The following OSBPL7 variants were observed in gnomAD, a reference collection of about 807,000 sequenced individuals.
OSBPL7 encodes oxysterol-binding protein-related protein 7.
Under a neutral mutation model 115.8 loss-of-function variants are expected in OSBPL7, and 66 were observed. The observed-to-expected ratio is 0.57, with a 90% CI of 0.47 to 0.70. OSBPL7 has a LOEUF of 0.70. Ranked by LOEUF, OSBPL7 falls within the 30% of genes least tolerant of loss-of-function variation. The pLI is 0.00. For missense variants in OSBPL7, 902 were observed against 1,125.5 expected (o/e 0.80, Z 2.84); for synonymous variants, 441 against 439.2 (o/e 1.00, Z -0.05).
chr17:47,818,688 C>A, intron 5 of OSBPL7, 72 bp from the exon 6 acceptor site: 1 of 1,250,488 alleles, frequency 8.0e-7, no homozygotes, highest in East Asian at 2.4e-5. Flanking sequence ...GAAGTCAGGG[C>A]TCTGGTCCCC....
At chr17:47,813,550 C>T (rs2033111424) in intron 15 of OSBPL7, 37 bp downstream of exon 15, 1 of 1,590,672 alleles carries the variant, frequency 6.3e-7, no homozygotes. Flanking sequence ...GAGAAGGAAG[C>T]AGCCTTGGGC....
At chr17:47,819,174 G>T in intron 4 of OSBPL7, 75 bp from the exon 5 acceptor site, 1 of 1,276,106 alleles carries the variant, frequency 7.8e-7, no homozygotes, top group Non-Finnish European at 1.1e-6. Flanking sequence ...CCATCTCCCT[G>T]ATGCCATTCT....
intron 13 of OSBPL7, chr17:47,814,836 G>T (rs975955820): frequency 2.4e-5 from 14 of 583,552 alleles, no homozygotes; most frequent in Non-Finnish European, 2.1e-5. Context: ...TGTGGCTGGC[G>T]GGAAAAAGCT....
In OSBPL7 at chr17:47,809,058, T is replaced by A; in HGVS notation, c.2170+18A>T. 6.2e-7 allele frequency: 1 copy of A among 1,613,884 alleles called. No individual in the cohort carries two copies. The highest frequency in any genetic ancestry group is 8.5e-7 in the Non-Finnish European group (1 of 1,180,022). On this transcript the variant is annotated intron_variant, in intron 20 of 22. Transcript: ENST00000007414. Reference sequence around the variant, plus strand: ...GCTGCTCCAGCCTCACCCAGCCCTCTGTGACCCCTCCACTTACTGGGTTTC... The same window carrying A: ...GCTGCTCCAGCCTCACCCAGCCCTCAGTGACCCCTCCACTTACTGGGTTTC...
rs779509687 is a variant in OSBPL7 at position 47,813,414 on chromosome 17, C to T, written c.1600-11G>A. Reference sequence around the variant, plus strand: ...GGCTGCGATGTACACCTGTGGGGGGCAAGGAAGGTGCAGGGTACTGAGGAC... The same window carrying T: ...GGCTGCGATGTACACCTGTGGGGGGTAAGGAAGGTGCAGGGTACTGAGGAC... On this transcript the variant is annotated splice_polypyrimidine_tract_variant and intron_variant, in intron 15 of 22. Transcript: ENST00000007414. The T allele has an allele frequency of 1.9e-6, 3 of 1,613,522 alleles. No homozygotes were observed. Among genetic ancestry groups the T allele is most frequent in the Non-Finnish European group, 1.7e-6 (2 of 1,179,962 alleles).
chr17:47,810,718 C>T (rs1419035682), intron 17 of OSBPL7, 46 bp from the exon 18 acceptor site: 1 of 1,612,890 alleles, frequency 6.2e-7, no homozygotes, highest in East Asian at 2.2e-5. Context: ...GAGATAAGGC[C>T]AGAGGGTGTT....
chr17:47,817,491 G>C, intron 7 of OSBPL7, 132 bp from the exon 8 acceptor site: 1 of 601,692 alleles, frequency 1.7e-6, no homozygotes, highest in Non-Finnish European at 2.9e-6. Context: ...CCAGGTTCAA[G>C]TGATTCTCCT....
chr17:47,808,284 G>T lies in OSBPL7; in HGVS notation c.*7C>A. 1.2e-6 allele frequency: 2 copies of T among 1,603,724 alleles called. No individual in the cohort carries two copies. Among genetic ancestry groups the T allele is most frequent in the Non-Finnish European group, 1.7e-6 (2 of 1,171,664 alleles). On this transcript the variant is annotated 3_prime_UTR_variant, in exon 23 of 23. Transcript: ENST00000007414. This position sits in a 1 kb window ranked among gnomAD's most constrained non-coding sequence, Gnocchi z 6.1. ...GGAACCAGAGCCTCCTGCCCCCGGG[G>T]CCAGGGCTACCAGAGCACGGCCCCA...
Position 47,808,613 on chromosome 17 carries a change from C to T in OSBPL7, c.2345G>A (p.Arg782Lys). ...CCTGTCTCGCTGCAGCTGCTCGATC[C>T]TTCTCTTCTGGGCCTCAGCGGCCTG... is the stretch of plus-strand genomic sequence containing the variant. ...NIQAAEAQKR[R>K]IEQLQRDRRK... The change falls in exon 22 of 23, where the codon AGG becomes AAG. Residue 782 changes from arginine to lysine, a missense_variant. Arg to Lys is a conservative substitution (Grantham distance 26). Around this residue, in one of 3 missense-constraint regions of OSBPL7, gnomAD observed 230 missense variants for 312.7 expected, o/e 0.74. Coordinates refer to ENST00000007414, the MANE Select transcript of OSBPL7 (RefSeq NM_145798.3). The surrounding 1 kb of genome is among the most constrained non-coding windows in gnomAD (Gnocchi z 6.1). 6.2e-7 allele frequency: 1 copy of T among 1,614,236 alleles called. No homozygotes were observed. Among genetic ancestry groups the T allele is most frequent in the Non-Finnish European group, 8.5e-7 (1 of 1,180,044 alleles).
At chr17:47,812,289 GC>G (rs1224124571) in intron 16 of OSBPL7, among the ~76,000 whole-genome samples, 1 of 152,124 alleles carries the variant, frequency 6.6e-6, no homozygotes, top group Non-Finnish European at 1.5e-5. Flanking sequence ...CCCCTTCGGG[GC>G]CCCCAGCGCT....
At position 47,818,980 on chromosome 17, in the gene OSBPL7, T is replaced by C. The variant is rs1381128206; in HGVS notation, c.369+6A>G. ...CAACACACGTCCTGCCTCCCAGGGA[T>C]GTCACCTTGAGGTGGTAGATGTTGT... is the stretch of plus-strand genomic sequence containing the variant. On this transcript the variant is annotated splice_donor_region_variant and intron_variant, in intron 5 of 22. Transcript: ENST00000007414. 1.9e-6 allele frequency: 3 copies of C among 1,612,184 alleles called. No homozygotes were observed. In the Admixed American group the frequency reaches 5.0e-5, roughly 27 times the overall value.
chr17:47,813,699 A>G lies in OSBPL7; in HGVS notation c.1487T>C (p.Met496Thr). 2 of 1,613,434 alleles carry G rather than the reference A, an allele frequency of 1.2e-6. No homozygotes were observed. The highest frequency in any genetic ancestry group is 1.1e-5 in the South Asian group (1 of 91,090). The change falls in exon 15 of 23, where the codon ATG becomes ACG. Residue 496 changes from methionine to threonine, a missense_variant. Coordinates refer to ENST00000007414, the MANE Select transcript of OSBPL7 (RefSeq NM_145798.3). Reference sequence around the variant, plus strand: ...GAGCGGCTCGTTGAGCTGCACAGGCATTGACACCTTGGACAGGTCTTTGCC... The same window carrying G: ...GAGCGGCTCGTTGAGCTGCACAGGCGTTGACACCTTGGACAGGTCTTTGCC... ...NIGKDLSKVS[M>T]PVQLNEPLNT...
chr17:47,810,956 T>G, intron 16 of OSBPL7, 121 bp from the exon 17 acceptor site: 1 of 947,100 alleles, frequency 1.1e-6, no homozygotes, highest in East Asian at 2.6e-5. Flanking sequence ...CCAGGTTTCC[T>G]GTCCCTATCA....
At chr17:47,810,418 T>A (rs1350758890) in intron 18 of OSBPL7, among the ~76,000 whole-genome samples, 176 bp downstream of exon 18, 1 of 152,200 alleles carries the variant, frequency 6.6e-6, no homozygotes, top group African/African-American at 2.4e-5. Context: ...TTCATCTTTC[T>A]CTATTGGCAA....
At chr17:47,819,889 C>T (rs1248371989) in intron 3 of OSBPL7, 82 bp downstream of exon 3, 2 of 1,605,548 alleles carry the variant, frequency 1.2e-6, no homozygotes, top group East Asian at 2.2e-5. Flanking sequence ...ATCATGCAAA[C>T]ACCATTGGAC....
chr17:47,807,731 G>A lies in OSBPL7; in HGVS notation c.*560C>T, dbSNP rs1027510924. ...AAGCTGCAGGCATTTTGCAGTTAGG[G>A]AGAAGGGATCCAGGACAGGAGGGAT... On this transcript the variant is annotated 3_prime_UTR_variant, in exon 23 of 23. Transcript: ENST00000007414. 3 of 154,212 alleles carry A rather than the reference G, an allele frequency of 1.9e-5. No individual in the cohort carries two copies. Among genetic ancestry groups the A allele is most frequent in the Middle Eastern group, 6.8e-3 (2 of 296 alleles). 9.6% of individuals were successfully genotyped at this position (154,212 alleles called of 1,614,324 possible). A position where few individuals can be genotyped will look rare whatever the true frequency, so the allele number is the denominator to read the frequency against.
In OSBPL7 at chr17:47,816,915, A is replaced by T; in HGVS notation, c.703-43T>A. ...GGGCAATTTTACTCACAGGGTGGGG[A>T]AAAGGGGCAGAAACCATCACAGCCT... On this transcript the variant is annotated intron_variant, in intron 8 of 22. Transcript: ENST00000007414. This position sits in a 1 kb window ranked among gnomAD's most constrained non-coding sequence, Gnocchi z 5.8. 6.3e-7 allele frequency: 1 copy of T among 1,582,940 alleles called. No individual in the cohort carries two copies. Among genetic ancestry groups the T allele is most frequent in the Non-Finnish European group, 8.7e-7 (1 of 1,152,326 alleles).
Position 47,814,521 on chromosome 17 carries a change from C to T in OSBPL7, c.1351G>A (p.Gly451Arg). 1 of 1,613,226 alleles carries T rather than the reference C, an allele frequency of 6.2e-7. No homozygotes were observed. Among genetic ancestry groups the T allele is most frequent in the Non-Finnish European group, 8.5e-7 (1 of 1,179,680 alleles). Residue 451 changes from glycine (G) to arginine (R), a missense_variant and splice_region_variant, in exon 14 of 23, where the codon GGG (glycine) becomes AGG (arginine). Gly to Arg is a moderately radical substitution (Grantham distance 125). Around this residue, in one of 3 missense-constraint regions of OSBPL7, gnomAD observed 667 missense variants for 788.7 expected, o/e 0.85. Coordinates refer to ENST00000007414, the MANE Select transcript of OSBPL7 (RefSeq NM_145798.3). ...CCCTGCCTGCCCACCCAGCTGGCAC[C>T]TTTCTGACAGCGCTCAGCTCCCCTG... ...DLRGAERCQKGGCVPGRPMGP... is the reference protein window; with the variant it reads ...DLRGAERCQKRGCVPGRPMGP...
chr17:47,819,401 C>A, intron 4 of OSBPL7: 1 of 562,588 alleles, frequency 1.8e-6, no homozygotes, highest in Non-Finnish European at 3.2e-6. Context: ...GTACCCAGGC[C>A]TTCAGTTCCT....
Sources: allele counts gnomAD v4.1 joint callset (sites outside exome capture counted in the v4.1 genomes callset), GRCh38; gene constraint gnomAD v4.1.1; regional missense constraint gnomAD v4.1.1; non-coding constraint Gnocchi (gnomAD v3.1); transcripts MANE v1.5; gene names NCBI Gene and HGNC (gene_info 2026-07-23, HGNC 2026-07-21).